Variants in ANO3 observed in about 807,000 individuals in gnomAD.
ANO3 encodes anoctamin-3.
Under a neutral mutation model 144.8 loss-of-function variants are expected in ANO3, and 99 were observed. The observed-to-expected ratio is 0.68, with a 90% CI of 0.58 to 0.81. ANO3 has a LOEUF of 0.81. Among genes scored for constraint, ANO3 ranks in the 30% least tolerant of loss-of-function variants. ANO3 has a pLI of 0.00. For synonymous variants in ANO3, 414 were observed against 392.6 expected (o/e 1.05, Z -0.64); for missense variants, 905 against 1,202.2 (o/e 0.75, Z 3.66).
chr11:26,466,556 A>G (rs547082270), intron 4 of ANO3, among the ~76,000 whole-genome samples: 108 of 152,102 alleles, frequency 7.1e-4, no homozygotes, highest in Middle Eastern at 3.4e-3. Context: ...TACCATGTGA[A>G]TAAGTCAGAG....
At chr11:26,582,323 C>T (rs364370) in intron 14 of ANO3, among the ~76,000 whole-genome samples, 39,367 of 152,104 alleles carry the variant, frequency 0.26, 5,538 homozygotes, top group Admixed American at 0.34. Context: ...GTACTATATC[C>T]AGTTCCAGAT....
intron 4 of ANO3, among the ~76,000 whole-genome samples, chr11:26,480,090 G>T (rs1860150759): frequency 6.6e-6 from 1 of 152,178 alleles, no homozygotes; most frequent in Non-Finnish European, 1.5e-5. Context: ...TGGGAGAAAT[G>T]GGCTGTAGAA....
chr11:26,641,204 G>A (rs4553331), intron 21 of ANO3, among the ~76,000 whole-genome samples: 57,269 of 151,886 alleles, frequency 0.38, 11,623 homozygotes, highest in South Asian at 0.49. Flanking sequence ...GGTGTGAGAA[G>A]CAGACTCACG....
chr11:26,489,710 A>G (rs2134103974), intron 4 of ANO3, among the ~76,000 whole-genome samples: 1 of 152,350 alleles, frequency 6.6e-6, no homozygotes, highest in Admixed American at 6.5e-5. Context: ...TGGAGTCAAC[A>G]AAGATCATTT....
intron 1 of ANO3, among the ~76,000 whole-genome samples, chr11:26,280,166 T>C (rs573245844): frequency 2.0e-5 from 3 of 152,212 alleles, no homozygotes; most frequent in Non-Finnish European, 4.4e-5. Context: ...TTTTACCACA[T>C]GTGCAGAGTT....
chr11:26,464,490 C>T (rs186258117), intron 4 of ANO3, among the ~76,000 whole-genome samples: 2 of 151,912 alleles, frequency 1.3e-5, no homozygotes, highest in Admixed American at 6.6e-5. Flanking sequence ...AAATGAACTA[C>T]GATTAAATAG....
intron 1 of ANO3, among the ~76,000 whole-genome samples, chr11:26,198,234 T>G (rs952028912): frequency 2.0e-5 from 3 of 152,146 alleles, no homozygotes; most frequent in African/African-American, 7.2e-5. Flanking sequence ...GAATTTGGAT[T>G]AAATTCATAT....
chr11:26,244,577 T>C (rs1479525340), intron 1 of ANO3, among the ~76,000 whole-genome samples: 1 of 152,212 alleles, frequency 6.6e-6, no homozygotes, highest in African/African-American at 2.4e-5. Flanking sequence ...GAAGCTATTC[T>C]GTATTTATTT....
chr11:26,411,791 G>A (rs1487720654), intron 1 of ANO3, among the ~76,000 whole-genome samples: 1 of 151,752 alleles, frequency 6.6e-6, no homozygotes, highest in Non-Finnish European at 1.5e-5. Context: ...TGTACTTAAA[G>A]GTACAATTAA....
intron 6 of ANO3, among the ~76,000 whole-genome samples, chr11:26,520,841 A>G (rs1430604308): frequency 1.3e-5 from 2 of 152,144 alleles, no homozygotes; most frequent in Non-Finnish European, 2.9e-5. Flanking sequence ...TGTGATGTCC[A>G]TGGTAAGGAA....
At chr11:26,222,072 C>G (rs1471594920) in intron 1 of ANO3, among the ~76,000 whole-genome samples, 1 of 152,168 alleles carries the variant, frequency 6.6e-6, no homozygotes, top group East Asian at 1.9e-4. Flanking sequence ...AGTATCAAGT[C>G]TAAAGTCCTA....
intron 11 of ANO3, 54 bp from the exon 12 acceptor site, chr11:26,547,362 G>C: frequency 6.4e-7 from 1 of 1,560,624 alleles, no homozygotes; most frequent in Non-Finnish European, 8.8e-7. Flanking sequence ...ATCAATATTT[G>C]TAATATTGCT....
intron 1 of ANO3, among the ~76,000 whole-genome samples, chr11:26,252,812 T>C (rs1407535887): frequency 6.6e-6 from 1 of 152,198 alleles, no homozygotes; most frequent in African/African-American, 2.4e-5. Context: ...TTATGCTATG[T>C]CTAAAGTATG....
intron 1 of ANO3, among the ~76,000 whole-genome samples, chr11:26,395,442 T>C (rs1856986315): frequency 6.6e-6 from 1 of 152,162 alleles, no homozygotes; most frequent in African/African-American, 2.4e-5. Flanking sequence ...TTGTGTTCTC[T>C]CTTATTTCCT....
intron 6 of ANO3, among the ~76,000 whole-genome samples, chr11:26,524,806 CTT>C (rs908803961): frequency 6.6e-6 from 1 of 152,172 alleles, no homozygotes; most frequent in African/African-American, 2.4e-5. Context: ...ATCCTCCACT[CTT>C]TTATCAGGAT....
intron 9 of ANO3, among the ~76,000 whole-genome samples, chr11:26,537,178 T>G (rs1460305593): frequency 2.6e-5 from 4 of 152,166 alleles, no homozygotes; most frequent in Admixed American, 1.3e-4. Flanking sequence ...AGTAAAATCA[T>G]GTGGCAACTT....
intron 14 of ANO3, among the ~76,000 whole-genome samples, chr11:26,595,460 G>GATTTTTTTTTT (rs1851584440): frequency 9.9e-6 from 1 of 101,384 alleles, no homozygotes; most frequent in African/African-American, 4.2e-5. Flanking sequence ...AGATAGAGTT[G>GATTTTTTTTTT]TTTTTTTTTT....
intron 1 of ANO3, among the ~76,000 whole-genome samples, chr11:26,387,074 AAGAGACAGAGAGAAAG>A (rs1856752923): frequency 6.6e-6 from 1 of 151,800 alleles, no homozygotes; most frequent in Non-Finnish European, 1.5e-5. Context: ...AGAAGAGGGT[AAGAGACAGAGAGAAAG>A]AGAGAGAGAG....
intron 1 of ANO3, among the ~76,000 whole-genome samples, chr11:26,429,495 G>C (rs374417890): frequency 1.3e-5 from 2 of 148,382 alleles, no homozygotes; most frequent in East Asian, 3.9e-4. Flanking sequence ...AGAGAATGAA[G>C]TAAATATGAA....
Sources: allele counts gnomAD v4.1 joint callset (sites outside exome capture counted in the v4.1 genomes callset), GRCh38; gene constraint gnomAD v4.1.1; transcripts MANE v1.5; gene names NCBI Gene and HGNC (gene_info 2026-07-23, HGNC 2026-07-21).